ZFHX4: variants seen among roughly 807,000 people sequenced by gnomAD.
ZFHX4 encodes zinc finger homeobox protein 4.
Under a neutral mutation model 267.6 loss-of-function variants are expected in ZFHX4, and 56 were observed. That is an observed-to-expected ratio of 0.21 (90% CI 0.17 to 0.26). The LOEUF is 0.26. ZFHX4 is among the 10% of genes least tolerant of loss of function. ZFHX4 has a pLI of 1.00. For synonymous variants in ZFHX4, 1,778 were observed against 1,665.6 expected (o/e 1.07, Z -1.64); for missense variants, 4,332 against 4,420.0 (o/e 0.98, Z 0.56).
intron 1 of ZFHX4, among the ~76,000 whole-genome samples, chr8:76,687,613 C>T (rs1437377909): frequency 1.3e-5 from 2 of 152,160 alleles, no homozygotes; most frequent in Non-Finnish European, 2.9e-5. Flanking sequence ...TTCTTATTCT[C>T]CCTTTTCCAC....
chr8:76,723,180 C>T (rs1489682702), intron 3 of ZFHX4, among the ~76,000 whole-genome samples: 1 of 152,050 alleles, frequency 6.6e-6, no homozygotes, highest in Non-Finnish European at 1.5e-5. Context: ...GTAAGTGATG[C>T]TCACAGCTGA....
chr8:76,771,576 C>A (rs1338146062), intron 3 of ZFHX4, among the ~76,000 whole-genome samples: 1 of 151,982 alleles, frequency 6.6e-6, no homozygotes, highest in African/African-American at 2.4e-5. Flanking sequence ...GTAGTTGGGA[C>A]TACAGGCGCC....
intron 3 of ZFHX4, among the ~76,000 whole-genome samples, chr8:76,753,811 A>T (rs1037128055): frequency 3.9e-5 from 6 of 151,960 alleles, no homozygotes; most frequent in Non-Finnish European, 8.8e-5. Context: ...TTATTACTGT[A>T]GAGATGGAGT....
chr8:76,702,164 G>A (rs1295416411), intron 1 of ZFHX4, among the ~76,000 whole-genome samples: 1 of 152,114 alleles, frequency 6.6e-6, no homozygotes, highest in African/African-American at 2.4e-5. Flanking sequence ...ATGCCATAAG[G>A]ATAATTAACC....
In ZFHX4 at chr8:76,852,138, T is replaced by C. The variant is rs368611903; in HGVS notation, c.5217T>C (p.Phe1739=). The change falls in exon 10 of 11, where the codon TTT becomes TTC. Residue 1739 remains phenylalanine, a synonymous_variant. Transcript: ENST00000651372. ...LLQFQQPQFL[F]PFYIPGTEFS... is the part of the protein sequence containing the mutation. ...AGTTTCAGCAGCCTCAGTTTCTCTT[T>C]CCATTTTATATACCTGGGACGGAGT... is the stretch of plus-strand genomic sequence containing the variant. 2 of 1,613,938 alleles carry C rather than the reference T, an allele frequency of 1.2e-6. No individual in the cohort carries two copies. The highest frequency in any genetic ancestry group is 2.7e-5 in the African/African-American group (2 of 75,032).
rs1347396848 is a variant in ZFHX4, at chr8:76,704,734, G to A, written c.646G>A (p.Ala216Thr). The A allele has an allele frequency of 1.9e-6, 3 of 1,613,944 alleles. No homozygotes were observed. Among genetic ancestry groups the A allele is most frequent in the Non-Finnish European group, 8.5e-7 (1 of 1,179,892 alleles). Residue 216 changes from alanine to threonine, a missense_variant, in exon 2 of 11, where the codon GCA (alanine) becomes ACA (threonine). Around this residue, in one of 7 missense-constraint regions of ZFHX4, gnomAD observed 1,195 missense variants for 1,173.6 expected, o/e 1.02. Transcript: ENST00000651372. ...CGATCAGGCTTTCCCAAATACCTCA[G>A]CATTAGCAGGAGTTGGTCCTGTGTT... Reference protein sequence around the residue: ...TADQAFPNTSALAGVGPVLHS... With the variant: ...TADQAFPNTSTLAGVGPVLHS...
At chr8:76,823,514 G>T (rs756226841) in intron 4 of ZFHX4, among the ~76,000 whole-genome samples, 3 of 152,016 alleles carry the variant, frequency 2.0e-5, no homozygotes, top group Non-Finnish European at 2.9e-5. Context: ...TTCCTTTTCT[G>T]GGGCTATGAA....
chr8:76,796,986 A>C (rs1810995175), intron 4 of ZFHX4, among the ~76,000 whole-genome samples: 1 of 152,166 alleles, frequency 6.6e-6, no homozygotes, highest in Admixed American at 6.5e-5. Flanking sequence ...GAAAAGAGTG[A>C]GTCTCCTCTA....
intron 3 of ZFHX4, among the ~76,000 whole-genome samples, chr8:76,768,048 G>T (rs1297004148): frequency 6.6e-6 from 1 of 152,134 alleles, no homozygotes; most frequent in African/African-American, 2.4e-5. Context: ...TTTTGTTGAG[G>T]TGACATTTGG....
rs200410938 is a variant in ZFHX4, at chr8:76,851,338, A to G, written c.4417A>G (p.Ser1473Gly). The change falls in exon 10 of 11, where the codon AGC becomes GGC. Residue 1473 changes from serine (S) to glycine (G), a missense_variant. By Grantham distance (56) the Ser-to-Gly change is moderately conservative. Around this residue, in one of 7 missense-constraint regions of ZFHX4, gnomAD observed 1,371 missense variants for 1,423.1 expected, o/e 0.96. Coordinates refer to ENST00000651372, the MANE Select transcript of ZFHX4 (RefSeq NM_024721.5). ...CGTGAATGGAGAACTGTGGGCAGAGAGCGAAACTATGTCCCAGGATGACCA... is the reference window on the plus strand; with the variant it reads ...CGTGAATGGAGAACTGTGGGCAGAGGGCGAAACTATGTCCCAGGATGACCA... Reference protein sequence around the residue: ...LPVNGELWAESETMSQDDHGL... With the variant: ...LPVNGELWAEGETMSQDDHGL... 2 of 1,613,780 alleles carry G rather than the reference A, an allele frequency of 1.2e-6. No homozygotes were observed. Among genetic ancestry groups the G allele is most frequent in the East Asian group, 2.2e-5 (1 of 44,808 alleles).
At chr8:76,755,518 C>A (rs929754664) in intron 3 of ZFHX4, among the ~76,000 whole-genome samples, 7 of 152,034 alleles carry the variant, frequency 4.6e-5, no homozygotes, top group African/African-American at 7.2e-5. Context: ...AATATAAAAG[C>A]GCGGCTAAAC....
chr8:76,687,486 T>C (rs1269342574), intron 1 of ZFHX4, among the ~76,000 whole-genome samples: 1 of 152,218 alleles, frequency 6.6e-6, no homozygotes, highest in African/African-American at 2.4e-5. Flanking sequence ...CATTCTTTCA[T>C]AATTTGTTTC....
chr8:76,761,776 T>G (rs1378044359), intron 3 of ZFHX4, among the ~76,000 whole-genome samples: 1 of 152,160 alleles, frequency 6.6e-6, no homozygotes, highest in Non-Finnish European at 1.5e-5. Flanking sequence ...ATAAATGAGG[T>G]TTAGAAGCAA....
chr8:76,791,787 G>A (rs913850164), intron 4 of ZFHX4, among the ~76,000 whole-genome samples: 6 of 152,036 alleles, frequency 3.9e-5, no homozygotes, highest in South Asian at 4.1e-4. Context: ...AAAATTCTAT[G>A]GTTAGTAATT....
Position 76,706,144 on chromosome 8 carries a change from C to T in ZFHX4, c.2056C>T (p.Leu686Phe). 6.2e-7 allele frequency: 1 copy of T among 1,614,020 alleles called. No homozygotes were observed. Among genetic ancestry groups the T allele is most frequent in the Non-Finnish European group, 8.5e-7 (1 of 1,179,926 alleles). The change falls in exon 2 of 11, where the codon CTT becomes TTT. Residue 686 changes from leucine to phenylalanine, a missense_variant. This residue lies in a region of ZFHX4 where 1,195 missense variants were observed against 1,173.6 expected (regional missense o/e 1.02). Transcript: ENST00000651372. ...YCKTGQPHPR[L>F]ARGESYTCGY... ...TAAGACTGGACAGCCTCACCCCAGG[C>T]TTGCCCGGGGTGAGAGTTACACGTG...
intron 1 of ZFHX4, among the ~76,000 whole-genome samples, chr8:76,696,477 G>C (rs1384768955): frequency 6.6e-6 from 1 of 152,000 alleles, no homozygotes; most frequent in Non-Finnish European, 1.5e-5. Flanking sequence ...AAGTTTGTTT[G>C]AAAAGGGATA....
intron 3 of ZFHX4, among the ~76,000 whole-genome samples, chr8:76,777,301 G>A (rs1810424096): frequency 6.6e-6 from 1 of 152,212 alleles, no homozygotes; most frequent in African/African-American, 2.4e-5. Flanking sequence ...GAAAAAATCA[G>A]AATTTAAGAG....
chr8:76,687,627 T>G (rs184442819), intron 1 of ZFHX4, among the ~76,000 whole-genome samples: 1 of 152,184 alleles, frequency 6.6e-6, no homozygotes, highest in East Asian at 1.9e-4. Flanking sequence ...TTTCCACCCA[T>G]TGGTTAACAT....
intron 4 of ZFHX4, among the ~76,000 whole-genome samples, chr8:76,810,524 A>G (rs1387669843): frequency 2.0e-5 from 3 of 152,154 alleles, no homozygotes; most frequent in South Asian, 2.1e-4. Flanking sequence ...CTGGCCTCCA[A>G]TGCTTTTCAG....
Sources: allele counts gnomAD v4.1 joint callset (sites outside exome capture counted in the v4.1 genomes callset), GRCh38; gene constraint gnomAD v4.1.1; regional missense constraint gnomAD v4.1.1; transcripts MANE v1.5; gene names NCBI Gene and HGNC (gene_info 2026-07-23, HGNC 2026-07-21).